CACNA2D4: variants seen among roughly 807,000 people sequenced by gnomAD.
CACNA2D4 encodes voltage-dependent calcium channel subunit alpha-2/delta-4.
CACNA2D4 carries 157 observed loss-of-function variants against 163.8 expected under a neutral mutation model. The ratio of observed to expected loss-of-function variants is 0.96; its 90% CI spans 0.84 to 1.09. The LOEUF (loss-of-function observed/expected upper bound fraction) is 1.09. CACNA2D4 is among the 50% of genes least tolerant of loss of function. The pLI, the probability that CACNA2D4 is intolerant of heterozygous loss-of-function variation, is 0.00. For missense variants in CACNA2D4, 1,410 were observed against 1,479.9 expected, an observed-to-expected ratio of 0.95 and a Z score of 0.78; for synonymous variants, 598 against 586.9, an observed-to-expected ratio of 1.02 and a Z score of -0.27.
intron 29 of CACNA2D4, chr12:1,809,625 AT>A (rs1269953752): frequency 1.4e-6 from 1 of 693,330 alleles, no homozygotes; most frequent in African/African-American, 1.8e-5. Context: ...TAAAAATATT[AT>A]TGTACTTTCT....
Position 1,874,660 on chromosome 12 carries a change from T to G in CACNA2D4, c.1822A>C (p.Ile608Leu), listed in dbSNP as rs1326493528. 2 of 1,612,716 alleles carry G rather than the reference T, an allele frequency of 1.2e-6. No homozygotes were observed. The highest frequency in any genetic ancestry group is 4.5e-5 in the East Asian group (2 of 44,888). Residue 608 changes from isoleucine to leucine, a missense_variant, in exon 18 of 38, where the codon ATC (isoleucine) becomes CTC (leucine). Transcript: ENST00000382722. The surrounding 1 kb of genome is among the most constrained non-coding windows in gnomAD (Gnocchi z 4.4). ...GAGAGAGTACCTGTTTCCCTATTGA[T>G]CATGGCTGTTCTCAGCTTCAGGAGG... ...DQAESLRTAM[I>L]NRETGTLSMD...
At chr12:1,866,766 G>A (rs1025529994) in intron 18 of CACNA2D4, among the ~76,000 whole-genome samples, 1 of 150,482 alleles carries the variant, frequency 6.6e-6, no homozygotes, top group African/African-American at 2.4e-5. Context: ...GACTACAAGT[G>A]CATGCCACCA....
At chr12:1,841,779 C>T (rs1035433724) in intron 25 of CACNA2D4, among the ~76,000 whole-genome samples, 5 of 152,158 alleles carry the variant, frequency 3.3e-5, no homozygotes, top group Admixed American at 6.5e-5. Context: ...GTCAATTGTC[C>T]CGGGACTTAA....
At chr12:1,872,195 A>C (rs1865801079) in intron 18 of CACNA2D4, among the ~76,000 whole-genome samples, 1 of 152,138 alleles carries the variant, frequency 6.6e-6, no homozygotes, top group Non-Finnish European at 1.5e-5. Context: ...CATGGGTCTT[A>C]GCCGTCTCCT....
intron 2 of CACNA2D4, among the ~76,000 whole-genome samples, chr12:1,913,426 A>G (rs1565743495): frequency 6.6e-6 from 1 of 152,224 alleles, no homozygotes; most frequent in Non-Finnish European, 1.5e-5. Context: ...GAACTTGACC[A>G]AGGTCAACAG....
At chr12:1,903,195 A>G (rs1445756087) in intron 6 of CACNA2D4, among the ~76,000 whole-genome samples, 1 of 152,088 alleles carries the variant, frequency 6.6e-6, no homozygotes, top group African/African-American at 2.4e-5. Flanking sequence ...CCTATCGCTC[A>G]CCATACACCA....
At chr12:1,809,665 T>C (rs1318477791) in intron 29 of CACNA2D4, 2 of 664,770 alleles carry the variant, frequency 3.0e-6, no homozygotes, top group Non-Finnish European at 5.4e-6. Flanking sequence ...CATGCTGGGT[T>C]CAGGGAGATA....
rs1865111683 is a variant in CACNA2D4 at position 1,844,977 on chromosome 12, G to C, written c.2343-448C>G. Among the ~76,000 whole-genome samples, 1 of 151,492 alleles carries C rather than the reference G, an allele frequency of 6.6e-6. No individual in the cohort carries two copies. The highest frequency in any genetic ancestry group is 2.4e-5 in the African/African-American group (1 of 41,180). On this transcript the variant is annotated intron_variant, in intron 24 of 37. Transcript: ENST00000382722. This position sits in a 1 kb window ranked among gnomAD's most constrained non-coding sequence, Gnocchi z 4.2. Reference sequence around the variant, plus strand: ...CATACATTATGAGTTTCCTTTTTTTGAGCAGCTTTACCTTGCTAATTATGG... The same window carrying C: ...CATACATTATGAGTTTCCTTTTTTTCAGCAGCTTTACCTTGCTAATTATGG...
At chr12:1,826,069 T>C (rs1173297109) in intron 26 of CACNA2D4, among the ~76,000 whole-genome samples, 2 of 151,882 alleles carry the variant, frequency 1.3e-5, no homozygotes, top group African/African-American at 4.8e-5. Flanking sequence ...TGCTCAGGAA[T>C]GAGAAACAAC....
intron 29 of CACNA2D4, among the ~76,000 whole-genome samples, chr12:1,801,918 A>AT (rs1408713564): frequency 5.9e-5 from 9 of 151,750 alleles, no homozygotes; most frequent in East Asian, 1.9e-4. Flanking sequence ...CTGCAATGTG[A>AT]TTTTTTTAAT....
At chr12:1,837,224 G>A (rs886131575) in intron 26 of CACNA2D4, among the ~76,000 whole-genome samples, 1 of 152,234 alleles carries the variant, frequency 6.6e-6, no homozygotes, top group Admixed American at 6.5e-5. Context: ...GGATGCTGCC[G>A]CACGGTGGGA....
chr12:1,896,645 ACACACACAC>A (rs1866411981), intron 6 of CACNA2D4, among the ~76,000 whole-genome samples: 1 of 148,814 alleles, frequency 6.7e-6, no homozygotes, highest in African/African-American at 2.6e-5. Context: ...ACACACACAC[ACACACACAC>A]AAAACAGATG....
intron 23 of CACNA2D4, among the ~76,000 whole-genome samples, chr12:1,848,838 G>A (rs1417552930): frequency 6.6e-6 from 1 of 151,856 alleles, no homozygotes; most frequent in African/African-American, 2.4e-5. Flanking sequence ...GAACTCCTGG[G>A]CTCAAACGAT....
Position 1,843,934 on chromosome 12 carries a change from C to T in CACNA2D4, c.2470+468G>A, listed in dbSNP as rs1248119721. On this transcript the variant is annotated intron_variant, in intron 25 of 37. Coordinates refer to ENST00000382722, the MANE Select transcript of CACNA2D4 (RefSeq NM_172364.5). The surrounding 1 kb of genome is among the most constrained non-coding windows in gnomAD (Gnocchi z 4.6). ...TCCCTGAGGCTGGTCCTGGGTGGTCCTGGGTAACTGGGGACGGGTTGCTTT... is the reference window on the plus strand; with the variant it reads ...TCCCTGAGGCTGGTCCTGGGTGGTCTTGGGTAACTGGGGACGGGTTGCTTT... Among the ~76,000 whole-genome samples the T allele has an allele frequency of 1.3e-5, 2 of 152,088 alleles. No individual in the cohort carries two copies. The highest frequency in any genetic ancestry group is 2.4e-5 in the African/African-American group (1 of 41,428).
rs762559441 is a variant in CACNA2D4, at chr12:1,801,642, C to A, written c.2724G>T (p.Thr908=). Residue 908 remains threonine, a splice_region_variant and synonymous_variant, in exon 30 of 38, where the codon ACG becomes ACT. Transcript: ENST00000382722. The part of the protein sequence containing the change: ...FILISKRSRE[T]GRFLGEVDGA... Reference sequence around the variant, plus strand: ...CATCCACCTCCCCCAGAAATCTTCCCGTCTGTGAGAGAGGGACAGCAGAGA... The same window carrying A: ...CATCCACCTCCCCCAGAAATCTTCCAGTCTGTGAGAGAGGGACAGCAGAGA... 1 of 1,581,680 alleles carries A rather than the reference C, an allele frequency of 6.3e-7. No homozygotes were observed. The highest frequency in any genetic ancestry group is 2.3e-5 in the East Asian group (1 of 43,280).
At chr12:1,912,248 A>C (rs1428705609) in intron 3 of CACNA2D4, among the ~76,000 whole-genome samples, 1 of 152,170 alleles carries the variant, frequency 6.6e-6, no homozygotes, top group Non-Finnish European at 1.5e-5. Flanking sequence ...GAGTCCTTTC[A>C]GGGAGAGCAC....
At chr12:1,910,956 TA>T (rs1866798313) in intron 3 of CACNA2D4, among the ~76,000 whole-genome samples, 1 of 152,116 alleles carries the variant, frequency 6.6e-6, no homozygotes, top group Non-Finnish European at 1.5e-5. Context: ...TGGATGTACT[TA>T]ATGCCACTAA....
At chr12:1,879,932 G>T (rs1592730040) in intron 13 of CACNA2D4, 51 bp from the exon 14 acceptor site, 1 of 1,342,016 alleles carries the variant, frequency 7.5e-7, no homozygotes, top group Non-Finnish European at 1.0e-6. Flanking sequence ...AGGGCCACTG[G>T]TTTGCCGCAC....
In CACNA2D4 at chr12:1,793,776, G is replaced by A; in HGVS notation, c.3310-17C>T. 6.2e-7 allele frequency: 1 copy of A among 1,607,696 alleles called. No individual in the cohort carries two copies. The highest frequency in any genetic ancestry group is 8.5e-7 in the Non-Finnish European group (1 of 1,175,648). ...GGCATTCTCCTGCGAACGCAGAGCA[G>A]AGGTGACAGCGCGGCGCTCAGAGGA... is the stretch of plus-strand genomic sequence containing the variant. On this transcript the variant is annotated splice_polypyrimidine_tract_variant and intron_variant, in intron 37 of 37. Transcript: ENST00000382722.
Sources: allele counts gnomAD v4.1 joint callset (sites outside exome capture counted in the v4.1 genomes callset), GRCh38; gene constraint gnomAD v4.1.1; non-coding constraint Gnocchi (gnomAD v3.1); transcripts MANE v1.5; gene names NCBI Gene and HGNC (gene_info 2026-07-23, HGNC 2026-07-21).